TRAPPC9: variants seen among roughly 807,000 people sequenced by gnomAD.
TRAPPC9 encodes the protein trafficking protein particle complex subunit 9.
A neutral mutation model predicts 124.0 loss-of-function variants in TRAPPC9; 83 were observed. That is an observed-to-expected ratio of 0.67 (90% CI 0.56 to 0.80). The LOEUF (loss-of-function observed/expected upper bound fraction) is 0.80, where lower values mean the gene tolerates loss of function less well. Ranked by LOEUF, TRAPPC9 falls within the 30% of genes least tolerant of loss-of-function variation. The probability of loss-of-function intolerance (pLI) is 0.00; values close to 1 mark genes in which losing one functional copy is unlikely to be tolerated. For synonymous variants in TRAPPC9, 638 were observed against 617.5 expected, an observed-to-expected ratio of 1.03 and a Z score of -0.49; for missense variants, 1,302 against 1,508.3, an observed-to-expected ratio of 0.86 and a Z score of 2.27.
intron 17 of TRAPPC9, among the ~76,000 whole-genome samples, chr8:140,218,011 T>C (rs2063239351): frequency 1.6e-5 from 2 of 123,104 alleles, no homozygotes; most frequent in Admixed American, 8.6e-5. Flanking sequence ...AGCAATACTC[T>C]GTCTCCAAAA....
Position 140,296,698 on chromosome 8 carries a change from G to A in TRAPPC9, c.1768+3771C>T, listed in dbSNP as rs144718373. ...TTGCTGTCTTCGAATTCCTAGTGATGTTTGAACAAAGGCCCTATGTTTGCA... is the reference window on the plus strand; with the variant it reads ...TTGCTGTCTTCGAATTCCTAGTGATATTTGAACAAAGGCCCTATGTTTGCA... On this transcript the variant is annotated intron_variant, in intron 11 of 22. Transcript: ENST00000438773. Among the ~76,000 whole-genome samples the A allele has an allele frequency of 3.2e-4, 49 of 152,348 alleles. No individual in the cohort carries two copies. The East Asian group carries it at 6.2e-3, about 19-fold the overall frequency.
chr8:140,010,690 T>A (rs959683118), intron 18 of TRAPPC9, among the ~76,000 whole-genome samples: 5 of 152,196 alleles, frequency 3.3e-5, no homozygotes, highest in Non-Finnish European at 5.9e-5. Flanking sequence ...AGATATTCAA[T>A]GATGTCTATG....
In TRAPPC9 at chr8:139,910,151, C is replaced by T; in HGVS notation, c.2960G>A (p.Arg987Lys). ...EIHSKLGICWRIPSLKRSGEA... is the reference protein window; with the variant it reads ...EIHSKLGICWKIPSLKRSGEA... The stretch of plus-strand genomic sequence containing the variant: ...GTGGCCCCTGGAAAAGGATATGATT[C>T]TCCAGCAGATGCCCAGCTTGCTGTG... Residue 987 changes from arginine to lysine, a missense_variant, in exon 20 of 23, where the codon AGA (arginine) becomes AAA (lysine). Arg to Lys is a conservative substitution (Grantham distance 26, BLOSUM62 2). This residue lies in a region of TRAPPC9 where 640 missense variants were observed against 679.3 expected (regional missense o/e 0.94). Transcript: ENST00000438773. 1 of 1,614,078 alleles carries T rather than the reference C, an allele frequency of 6.2e-7. No individual in the cohort carries two copies. The highest frequency in any genetic ancestry group is 1.1e-5 in the South Asian group (1 of 91,076).
intron 21 of TRAPPC9, among the ~76,000 whole-genome samples, chr8:139,844,969 T>G (rs767488491): frequency 2.6e-5 from 4 of 152,064 alleles, no homozygotes; most frequent in Non-Finnish European, 4.4e-5. Context: ...AGCAGCTTGG[T>G]GTCCCACTGG....
chr8:139,811,035 G>T (rs1409579274), intron 21 of TRAPPC9, among the ~76,000 whole-genome samples: 2 of 152,188 alleles, frequency 1.3e-5, no homozygotes, highest in African/African-American at 2.4e-5. Context: ...AAAGATAAAT[G>T]AAGGGGAAGA....
At chr8:139,933,960 C>T (rs886280906) in intron 19 of TRAPPC9, 1 of 152,156 alleles carries the variant, frequency 6.6e-6, no homozygotes, top group African/African-American at 2.4e-5. Flanking sequence ...TATGTGGTTG[C>T]TAGTAGGTGT....
chr8:140,448,350 G>A (rs899316862), intron 2 of TRAPPC9, among the ~76,000 whole-genome samples: 2 of 152,130 alleles, frequency 1.3e-5, no homozygotes, highest in African/African-American at 2.4e-5. Flanking sequence ...TCAGTGCCTG[G>A]AGCCATGCCT....
intron 21 of TRAPPC9, among the ~76,000 whole-genome samples, chr8:139,869,429 C>A (rs1828755102): frequency 6.6e-6 from 1 of 152,214 alleles, no homozygotes; most frequent in South Asian, 2.1e-4. Flanking sequence ...ATTCACACTG[C>A]AGGTATCATG....
intron 7 of TRAPPC9, among the ~76,000 whole-genome samples, chr8:140,393,210 T>A (rs913494283): frequency 2.6e-5 from 4 of 152,080 alleles, no homozygotes; most frequent in African/African-American, 9.7e-5. Context: ...TAGCTGGTAT[T>A]ACAGGTGCCC....
intron 20 of TRAPPC9, among the ~76,000 whole-genome samples, chr8:139,895,690 C>T (rs1209263072): frequency 6.6e-6 from 1 of 152,176 alleles, no homozygotes; most frequent in Non-Finnish European, 1.5e-5. Context: ...TGGGCCTCAC[C>T]CCGGTCAGAA....
intron 17 of TRAPPC9, among the ~76,000 whole-genome samples, chr8:140,139,958 T>C (rs2061358989): frequency 6.6e-6 from 1 of 152,212 alleles, no homozygotes; most frequent in Non-Finnish European, 1.5e-5. Flanking sequence ...AAAAAGTTCA[T>C]TCTTAAACAA....
At chr8:140,444,203 C>T (rs1389203254) in intron 2 of TRAPPC9, among the ~76,000 whole-genome samples, 2 of 143,616 alleles carry the variant, frequency 1.4e-5, no homozygotes, top group South Asian at 2.2e-4. Flanking sequence ...CAGAGTGAGA[C>T]TCTGTCTCAA....
In TRAPPC9 at chr8:140,101,523, T is replaced by C. The variant is rs1391328368; in HGVS notation, c.2557-77444A>G. Among the ~76,000 whole-genome samples the C allele has an allele frequency of 4.7e-5, 7 of 147,750 alleles. 1 individual carries two copies. The highest frequency in any genetic ancestry group is 1.2e-4 in the African/African-American group (5 of 40,054). On this transcript the variant is annotated intron_variant, in intron 17 of 22. Transcript: ENST00000438773. ...TTACTATGAACTTGGGTTGGTTTTGTAGGGTTTTCTTTTTTTTGTTTTTTT... is the reference window on the plus strand; with the variant it reads ...TTACTATGAACTTGGGTTGGTTTTGCAGGGTTTTCTTTTTTTTGTTTTTTT...
chr8:140,321,526 C>T (rs758387078), intron 9 of TRAPPC9, among the ~76,000 whole-genome samples: 28 of 152,220 alleles, frequency 1.8e-4, no homozygotes, highest in Non-Finnish European at 3.2e-4. Context: ...TGCAAAGGAA[C>T]AGGCATGAGC....
chr8:139,790,659 C>T (rs992629022), intron 21 of TRAPPC9, among the ~76,000 whole-genome samples: 4 of 152,156 alleles, frequency 2.6e-5, no homozygotes, highest in Non-Finnish European at 4.4e-5. Context: ...CGCCGCTGCA[C>T]GTCTGACAAT....
At chr8:140,003,556 C>T (rs557697730) in intron 18 of TRAPPC9, among the ~76,000 whole-genome samples, 127 of 148,512 alleles carry the variant, frequency 8.6e-4, no homozygotes, top group Non-Finnish European at 1.5e-3. Flanking sequence ...AAGATGAGAT[C>T]GCACCACTGT....
chr8:140,141,825 T>C (rs1332098796), intron 17 of TRAPPC9, among the ~76,000 whole-genome samples: 5 of 152,216 alleles, frequency 3.3e-5, no homozygotes, highest in Admixed American at 1.3e-4. Flanking sequence ...CTGTTATATA[T>C]GTTAAGGGCA....
intron 20 of TRAPPC9, among the ~76,000 whole-genome samples, chr8:139,892,116 C>T (rs1003440304): frequency 4.6e-5 from 7 of 152,212 alleles, no homozygotes; most frequent in Admixed American, 3.3e-4. Context: ...GCACATGCGC[C>T]GCAGCACCCC....
At chr8:140,175,945 G>A (rs561639069) in intron 17 of TRAPPC9, among the ~76,000 whole-genome samples, 1 of 152,326 alleles carries the variant, frequency 6.6e-6, no homozygotes, top group South Asian at 2.1e-4. Context: ...GCCAGACATC[G>A]GGCTATGCCC....
Sources: gnomAD v4.1 joint callset for allele counts (sites outside exome capture counted in the v4.1 genomes callset) on GRCh38, gnomAD v4.1.1 for gene constraint, gnomAD v4.1.1 regional missense constraint, MANE v1.5 for transcripts, NCBI Gene and HGNC (gene_info 2026-07-23, HGNC 2026-07-21) for gene names.